NLGN1: variants seen among roughly 807,000 people sequenced by gnomAD.
NLGN1 encodes the protein neuroligin 1, also known as neuroligin-1.
A neutral mutation model predicts 65.5 loss-of-function variants in NLGN1; 12 were observed. That is an observed-to-expected ratio of 0.18 (90% CI 0.12 to 0.30). The LOEUF (loss-of-function observed/expected upper bound fraction) is 0.30, where lower values mean the gene tolerates loss of function less well. Among genes scored for constraint, NLGN1 ranks in the 10% least tolerant of loss-of-function variants. The pLI, the probability that NLGN1 is intolerant of heterozygous loss-of-function variation, is 1.00. For missense variants in NLGN1, 750 were observed against 1,007.1 expected, an observed-to-expected ratio of 0.74 and a Z score of 3.46; for synonymous variants, 350 against 359.5, an observed-to-expected ratio of 0.97 and a Z score of 0.30.
intron 4 of NLGN1, among the ~76,000 whole-genome samples, chr3:174,218,824 G>C (rs1424777276): frequency 1.3e-5 from 2 of 151,924 alleles, no homozygotes; most frequent in East Asian, 3.9e-4. Context: ...CTCTGTTCAG[G>C]GATCCAGCTG....
At chr3:173,977,260 G>A (rs948547439) in intron 4 of NLGN1, among the ~76,000 whole-genome samples, 1 of 151,942 alleles carries the variant, frequency 6.6e-6, no homozygotes, top group Non-Finnish European at 1.5e-5. Context: ...ACTTTCAGTT[G>A]AAATCTGTAG....
intron 2 of NLGN1, among the ~76,000 whole-genome samples, chr3:173,503,185 A>G (rs796321380): frequency 2.6e-5 from 4 of 152,192 alleles, no homozygotes; most frequent in African/African-American, 9.6e-5. Context: ...ATTAAGTTCC[A>G]TATCCAATTA....
At chr3:174,199,879 G>T (rs1549100) in intron 4 of NLGN1, among the ~76,000 whole-genome samples, 112,192 of 152,142 alleles carry the variant, frequency 0.74, 41,452 homozygotes, top group East Asian at 0.83. Context: ...GCAGCATTAT[G>T]TGCAGAGGAG....
At chr3:173,555,529 A>G (rs944754188) in intron 2 of NLGN1, among the ~76,000 whole-genome samples, 1 of 152,006 alleles carries the variant, frequency 6.6e-6, no homozygotes, top group African/African-American at 2.4e-5. Flanking sequence ...ACCCAGCCTG[A>G]AGTGCAGTGG....
chr3:173,623,593 G>A (rs1189763346), intron 3 of NLGN1, among the ~76,000 whole-genome samples: 2 of 152,094 alleles, frequency 1.3e-5, no homozygotes, highest in Non-Finnish European at 2.9e-5. Context: ...TGACCATCAC[G>A]TGGCTGCAGT....
At chr3:174,038,543 A>G (rs890068160) in intron 4 of NLGN1, among the ~76,000 whole-genome samples, 2 of 152,176 alleles carry the variant, frequency 1.3e-5, no homozygotes, top group African/African-American at 4.8e-5. Flanking sequence ...CATACTAAAA[A>G]TAAAGTTTAA....
chr3:173,762,471 A>C (rs1382121002), intron 3 of NLGN1, among the ~76,000 whole-genome samples: 1 of 152,096 alleles, frequency 6.6e-6, no homozygotes, highest in Non-Finnish European at 1.5e-5. Context: ...GATGAAATAT[A>C]CTATAGCTAT....
chr3:173,584,204 T>C (rs114778368), intron 2 of NLGN1, among the ~76,000 whole-genome samples: 3,555 of 151,198 alleles, frequency 0.024, 56 homozygotes, highest in Middle Eastern at 0.048. Context: ...TTCAGCCTTC[T>C]TTAACTACTG....
intron 4 of NLGN1, among the ~76,000 whole-genome samples, chr3:174,028,450 A>G (rs1729283608): frequency 6.6e-6 from 1 of 152,252 alleles, no homozygotes. Flanking sequence ...TAACAAACAG[A>G]CTGGTGGCAT....
intron 3 of NLGN1, among the ~76,000 whole-genome samples, chr3:173,692,737 A>G (rs1765655393): frequency 6.6e-6 from 1 of 152,140 alleles, no homozygotes; most frequent in Non-Finnish European, 1.5e-5. Context: ...AATACGTTAT[A>G]CTTAAAAGCT....
intron 4 of NLGN1, among the ~76,000 whole-genome samples, chr3:173,935,618 A>ACTCT (rs1560670862): frequency 3.4e-5 from 4 of 117,024 alleles, no homozygotes; most frequent in African/African-American, 8.9e-5. Context: ...ACACACACAC[A>ACTCT]CACACTCTCT....
intron 2 of NLGN1, among the ~76,000 whole-genome samples, chr3:173,526,356 T>A (rs1329261148): frequency 1.3e-5 from 2 of 152,074 alleles, no homozygotes. Context: ...TGGCTTAACA[T>A]CTGTTTTGTT....
chr3:174,007,165 T>C (rs1298076342), intron 4 of NLGN1, among the ~76,000 whole-genome samples: 6 of 152,076 alleles, frequency 3.9e-5, no homozygotes. Context: ...AGTAAGACGG[T>C]GACCATCTGC....
intron 3 of NLGN1, among the ~76,000 whole-genome samples, chr3:173,616,608 T>C (rs1753134122): frequency 6.6e-6 from 1 of 152,246 alleles, no homozygotes; most frequent in Non-Finnish European, 1.5e-5. Flanking sequence ...CTTTCAGGGC[T>C]GTGTACAGGC....
At chr3:173,944,666 A>G (rs574205111) in intron 4 of NLGN1, among the ~76,000 whole-genome samples, 1 of 152,304 alleles carries the variant, frequency 6.6e-6, no homozygotes, top group South Asian at 2.1e-4. Flanking sequence ...GTTCAACTGG[A>G]AAGTGTGAAA....
chr3:174,076,951 AT>A (rs993467127), intron 4 of NLGN1, among the ~76,000 whole-genome samples: 4 of 152,140 alleles, frequency 2.6e-5, no homozygotes, highest in African/African-American at 9.7e-5. Flanking sequence ...TACCTAAATA[AT>A]TCAAATTTCT....
At chr3:173,785,172 G>A (rs939421222) in intron 3 of NLGN1, among the ~76,000 whole-genome samples, 4 of 152,110 alleles carry the variant, frequency 2.6e-5, no homozygotes, top group Non-Finnish European at 5.9e-5. Context: ...TTCTGCACTC[G>A]GCAGGGGGCC....
intron 3 of NLGN1, among the ~76,000 whole-genome samples, chr3:173,714,062 C>G (rs1769439899): frequency 2.0e-5 from 3 of 152,068 alleles, no homozygotes; most frequent in African/African-American, 7.2e-5. Context: ...AATAGAAATA[C>G]ATTTGCAACT....
intron 3 of NLGN1, among the ~76,000 whole-genome samples, chr3:173,645,740 T>C (rs1260443528): frequency 1.3e-5 from 2 of 152,192 alleles, no homozygotes; most frequent in African/African-American, 4.8e-5. Context: ...TATTAGAGAC[T>C]CATGGAGAAT....
Sources: allele counts gnomAD v4.1 joint callset (sites outside exome capture counted in the v4.1 genomes callset), GRCh38; gene constraint gnomAD v4.1.1; transcripts MANE v1.5; gene names NCBI Gene and HGNC (gene_info 2026-07-23, HGNC 2026-07-21).